Variants in LARGE1 observed in about 807,000 individuals in gnomAD.
LARGE1 encodes xylosyl- and glucuronyltransferase LARGE1.
Under a neutral mutation model 87.6 loss-of-function variants are expected in LARGE1, and 43 were observed. That is an observed-to-expected ratio of 0.49 (90% CI 0.38 to 0.63). The LOEUF (loss-of-function observed/expected upper bound fraction) is 0.63. Ranked by LOEUF, LARGE1 falls within the 30% of genes least tolerant of loss-of-function variation. The probability of loss-of-function intolerance (pLI) is 0.00; values close to 1 mark genes in which losing one functional copy is unlikely to be tolerated. For synonymous variants in LARGE1, 434 were observed against 394.6 expected, an observed-to-expected ratio of 1.10 and a Z score of -1.18; for missense variants, 802 against 1,000.2, an observed-to-expected ratio of 0.80 and a Z score of 2.67.
At chr22:33,896,739 T>C (rs912713424) in intron 1 of LARGE1, among the ~76,000 whole-genome samples, 4 of 152,242 alleles carry the variant, frequency 2.6e-5, no homozygotes, top group Middle Eastern at 3.4e-3. Context: ...TGTGCTTGAC[T>C]TTTGCTGCTG....
intron 3 of LARGE1, among the ~76,000 whole-genome samples, chr22:33,649,098 G>A (rs577472293): frequency 9.2e-5 from 14 of 152,198 alleles, no homozygotes; most frequent in African/African-American, 2.4e-4. Flanking sequence ...CACATTCCTC[G>A]TTGGACATCC....
At chr22:33,382,328 G>A (rs2065186343) in intron 8 of LARGE1, among the ~76,000 whole-genome samples, 1 of 152,126 alleles carries the variant, frequency 6.6e-6, no homozygotes, top group African/African-American at 2.4e-5. Flanking sequence ...CAGACATGGG[G>A]TGTCTTCCCT....
At chr22:33,895,905 T>C (rs1050653809) in intron 1 of LARGE1, among the ~76,000 whole-genome samples, 16 of 152,166 alleles carry the variant, frequency 1.1e-4, no homozygotes, top group African/African-American at 3.9e-4. Context: ...CTGCCAGAGA[T>C]ACCTTATTTT....
chr22:33,292,853 T>G (rs1932787913), intron 12 of LARGE1, among the ~76,000 whole-genome samples: 1 of 152,208 alleles, frequency 6.6e-6, no homozygotes, highest in Non-Finnish European at 1.5e-5. Context: ...CATGGGCCAT[T>G]TTCTTAACAC....
At chr22:33,551,866 C>T (rs374632560) in intron 6 of LARGE1, among the ~76,000 whole-genome samples, 12 of 151,976 alleles carry the variant, frequency 7.9e-5, no homozygotes, top group South Asian at 6.3e-4. Context: ...TGATGATGGG[C>T]GCCTGTAGTC....
At chr22:33,827,881 G>C (rs924757192) in intron 1 of LARGE1, among the ~76,000 whole-genome samples, 2 of 152,196 alleles carry the variant, frequency 1.3e-5, no homozygotes, top group Non-Finnish European at 2.9e-5. Flanking sequence ...GGGTGGGATT[G>C]GATAATTTGG....
chr22:33,181,341 A>G (rs1315845410), intron 11 of LARGE1, among the ~76,000 whole-genome samples: 1 of 151,972 alleles, frequency 6.6e-6, no homozygotes, highest in Non-Finnish European at 1.5e-5. Flanking sequence ...ATTTTTATGT[A>G]TTTTCATTTT....
At chr22:33,290,767 G>A (rs949351513) in intron 12 of LARGE1, among the ~76,000 whole-genome samples, 9 of 152,128 alleles carry the variant, frequency 5.9e-5, no homozygotes, top group South Asian at 2.1e-4. Context: ...AGCTAGGCGC[G>A]GTGGCTCACG....
At chr22:33,211,229 C>T (rs1366484444) in intron 11 of LARGE1, among the ~76,000 whole-genome samples, 2 of 152,162 alleles carry the variant, frequency 1.3e-5, no homozygotes, top group Non-Finnish European at 2.9e-5. Context: ...TCTCTCTCCT[C>T]CTCATCGGGC....
chr22:33,845,933 A>G (rs1206737439), intron 1 of LARGE1, among the ~76,000 whole-genome samples: 1 of 152,216 alleles, frequency 6.6e-6, no homozygotes, highest in Admixed American at 6.5e-5. Context: ...AGAAAAGAAC[A>G]TTAATTCCTT....
intron 5 of LARGE1, among the ~76,000 whole-genome samples, chr22:33,574,687 TG>T (rs1181891189): frequency 0.045 from 8 of 176 alleles, no homozygotes; most frequent in Admixed American, 0.21. Flanking sequence ...TATAAACAAT[TG>T]TGTGTGTGTG....
the LARGE1 span, among the ~76,000 whole-genome samples, chr22:33,114,019 C>T: frequency 6.6e-6 from 1 of 151,592 alleles, no homozygotes; most frequent in Non-Finnish European, 1.5e-5. Flanking sequence ...TACAGACACA[C>T]AGCACCACGC....
chr22:33,171,767 C>T (rs1276570923), intron 11 of LARGE1, among the ~76,000 whole-genome samples: 1 of 152,158 alleles, frequency 6.6e-6, no homozygotes, highest in Non-Finnish European at 1.5e-5. Flanking sequence ...AAGCTGGCTG[C>T]AAGGGTAGAG....
intron 3 of LARGE1, among the ~76,000 whole-genome samples, chr22:33,644,605 A>C (rs1291186902): frequency 2.6e-5 from 4 of 152,218 alleles, no homozygotes; most frequent in Non-Finnish European, 5.9e-5. Context: ...TCAAACAGGA[A>C]GTAAGGAAGT....
chr22:33,315,850 G>C (rs1310434780), intron 11 of LARGE1, among the ~76,000 whole-genome samples: 1 of 152,112 alleles, frequency 6.6e-6, no homozygotes, highest in Admixed American at 6.5e-5. Flanking sequence ...GGCTGGTCTA[G>C]AACTCCTGAC....
In LARGE1 at chr22:33,845,283, G is replaced by A. The variant is rs535178466; in HGVS notation, c.-83+74712C>T. ...AAGTTGAAAAATTCCAGGATGGGAT[G>A]TATAATGGATCTTATTTATTTACTT... On this transcript the variant is annotated intron_variant, in intron 1 of 14. Transcript: ENST00000397394. Among the ~76,000 whole-genome samples, 66 of 152,136 alleles carry A rather than the reference G, an allele frequency of 4.3e-4. 1 individual carries two copies. The highest frequency in any genetic ancestry group is 2.5e-3 in the South Asian group (12 of 4,814).
At chr22:33,176,127 TCCTTACA>T (rs1348727607) in intron 11 of LARGE1, among the ~76,000 whole-genome samples, 1 of 152,114 alleles carries the variant, frequency 6.6e-6, no homozygotes, top group Admixed American at 6.6e-5. Flanking sequence ...ATGGACCCCT[TCCTTACA>T]CCTTATACAA....
intron 6 of LARGE1, among the ~76,000 whole-genome samples, chr22:33,460,809 C>T (rs1210888506): frequency 1.3e-5 from 2 of 152,128 alleles, no homozygotes; most frequent in Admixed American, 6.6e-5. Flanking sequence ...AAGTAAGGAG[C>T]CAGTTCTATA....
chr22:33,409,693 C>G (rs2066236748), intron 7 of LARGE1, among the ~76,000 whole-genome samples: 1 of 151,986 alleles, frequency 6.6e-6, no homozygotes, highest in African/African-American at 2.4e-5. Flanking sequence ...AACCCCATCT[C>G]TACTAAAAAT....
Sources: allele counts gnomAD v4.1 joint callset (sites outside exome capture counted in the v4.1 genomes callset), GRCh38; gene constraint gnomAD v4.1.1; transcripts MANE v1.5; gene names NCBI Gene and HGNC (gene_info 2026-07-23, HGNC 2026-07-21).